Variants in PLB1 observed in about 807,000 individuals in gnomAD.
The protein encoded by PLB1 is phospholipase B1, membrane-associated.
Under a neutral mutation model 227.4 loss-of-function variants are expected in PLB1, and 242 were observed. The observed-to-expected ratio is 1.06, with a 90% CI of 0.96 to 1.18. PLB1 has a LOEUF of 1.18. PLB1 is among the 50% of genes most tolerant of loss of function. PLB1 has a pLI of 0.00. For missense variants in PLB1, 1,858 were observed against 1,816.3 expected, an observed-to-expected ratio of 1.02 and a Z score of -0.42; for synonymous variants, 757 against 682.2, an observed-to-expected ratio of 1.11 and a Z score of -1.71.
chr2:28,531,509 C>G (rs1176409996), intron 8 of PLB1, among the ~76,000 whole-genome samples: 1 of 152,180 alleles, frequency 6.6e-6, no homozygotes, highest in Admixed American at 6.5e-5. Flanking sequence ...TGGGGTTTCT[C>G]CATGTTGGTC....
At chr2:28,577,825 G>A in intron 21 of PLB1, among the ~76,000 whole-genome samples, 1 of 152,208 alleles carries the variant, frequency 6.6e-6, no homozygotes, top group Non-Finnish European at 1.5e-5. Context: ...GGGTGACAGA[G>A]AAAGACTCCA....
chr2:28,520,727 T>A (rs1305021858), intron 4 of PLB1, among the ~76,000 whole-genome samples: 1 of 151,984 alleles, frequency 6.6e-6, no homozygotes, highest in East Asian at 1.9e-4. Flanking sequence ...AATCCCAGCA[T>A]TTTGGGAGGC....
chr2:28,598,527 C>T, intron 34 of PLB1, 125 bp from the exon 35 acceptor site: 1 of 727,842 alleles, frequency 1.4e-6, no homozygotes, highest in Non-Finnish European at 2.4e-6. Context: ...GCCTCCCTGC[C>T]TCTCCCCAGG....
At position 28,569,976 on chromosome 2, in the gene PLB1, AAAAGAAAG is replaced by A. The variant is rs1441045443; in HGVS notation, c.1324+3141_1324+3148del. On this transcript the variant is annotated intron_variant, in intron 20 of 57. Transcript: ENST00000327757. ...GCGAGACTCCATCTCAAAAAAAAAAAAAAGAAAGAAAAAAGAAAATCTGAATAGATTTA... is the reference window on the plus strand; with the variant it reads ...GCGAGACTCCATCTCAAAAAAAAAAAAAAAAAGAAAATCTGAATAGATTTA... Among the ~76,000 whole-genome samples, 5 of 117,380 alleles carry A rather than the reference AAAAGAAAG, an allele frequency of 4.3e-5. 1 individual carries two copies. The highest frequency in any genetic ancestry group is 8.5e-5 in the Admixed American group (1 of 11,756). 77.0% of individuals were successfully genotyped at this position (117,380 alleles called of 152,430 possible). A position where few individuals can be genotyped will look rare whatever the true frequency, so the allele number is the denominator to read the frequency against.
intron 1 of PLB1, among the ~76,000 whole-genome samples, chr2:28,514,024 C>T (rs1438325932): frequency 6.6e-6 from 1 of 152,102 alleles, no homozygotes; most frequent in Non-Finnish European, 1.5e-5. Context: ...TGGGTTAGAT[C>T]TTCTGCTTAT....
At chr2:28,565,728 G>A (rs978782574) in intron 19 of PLB1, among the ~76,000 whole-genome samples, 1 of 152,178 alleles carries the variant, frequency 6.6e-6, no homozygotes, top group Non-Finnish European at 1.5e-5. Context: ...CCAGTTGGAT[G>A]TAACCTTGGG....
intron 35 of PLB1, among the ~76,000 whole-genome samples, chr2:28,599,589 C>T (rs60501996): frequency 0.048 from 7,307 of 152,250 alleles, 570 homozygotes; most frequent in African/African-American, 0.16. Flanking sequence ...GGAGCACAGA[C>T]GCCTGAAATC....
chr2:28,641,677 A>G (rs1029583169), intron 57 of PLB1, among the ~76,000 whole-genome samples: 2 of 152,122 alleles, frequency 1.3e-5, no homozygotes, highest in African/African-American at 2.4e-5. Context: ...GGAGGCAAAG[A>G]TAAAATAGAC....
At chr2:28,551,165 G>A (rs568919976) in intron 16 of PLB1, among the ~76,000 whole-genome samples, 7 of 152,326 alleles carry the variant, frequency 4.6e-5, no homozygotes, top group African/African-American at 1.7e-4. Flanking sequence ...CATCTGAAGA[G>A]AAAATTAAGA....
At chr2:28,541,684 C>T in intron 12 of PLB1, 23 bp from the exon 13 acceptor site, 1 of 1,586,442 alleles carries the variant, frequency 6.3e-7, no homozygotes, top group South Asian at 1.1e-5. Flanking sequence ...CCTGGATGGG[C>T]ACCTCTCTGC....
At chr2:28,629,264 T>A (rs1220265858) in intron 53 of PLB1, 79 bp downstream of exon 53, 15 of 1,360,872 alleles carry the variant, frequency 1.1e-5, no homozygotes, top group Middle Eastern at 2.0e-4. Flanking sequence ...AGGAGACCAG[T>A]TGAGGCAGAG....
Position 28,593,664 on chromosome 2 carries a change from C to T in PLB1, c.2248-17C>T. ...TGACTTGCTAATTTTCCTATGGACTCTGGTATATTTTCAAAGGCTGGCAAT... is the reference window on the plus strand; with the variant it reads ...TGACTTGCTAATTTTCCTATGGACTTTGGTATATTTTCAAAGGCTGGCAAT... On this transcript the variant is annotated splice_polypyrimidine_tract_variant and intron_variant, in intron 32 of 57. Coordinates refer to ENST00000327757, the MANE Select transcript of PLB1 (RefSeq NM_153021.5). 2 of 1,612,572 alleles carry T rather than the reference C, an allele frequency of 1.2e-6. No individual in the cohort carries two copies. The highest frequency in any genetic ancestry group is 1.1e-5 in the South Asian group (1 of 91,002).
At chr2:28,633,106 C>G in intron 56 of PLB1, 67 bp downstream of exon 56, 1 of 1,381,404 alleles carries the variant, frequency 7.2e-7, no homozygotes. Flanking sequence ...CTCTGTCTCA[C>G]AATGGCAAAA....
intron 38 of PLB1, 126 bp downstream of exon 38, chr2:28,602,090 C>A: frequency 1.1e-6 from 1 of 917,452 alleles, no homozygotes; most frequent in Non-Finnish European, 1.7e-6. Flanking sequence ...GGACTCCTTC[C>A]CTTTTCAGAG....
chr2:28,511,084 T>G (rs1668203685), intron 1 of PLB1, among the ~76,000 whole-genome samples: 1 of 152,240 alleles, frequency 6.6e-6, no homozygotes, highest in South Asian at 2.1e-4. Context: ...TAAAGTCTAA[T>G]ATAAATCAGT....
intron 1 of PLB1, among the ~76,000 whole-genome samples, chr2:28,504,153 A>G (rs1667393952): frequency 6.6e-6 from 1 of 152,180 alleles, no homozygotes; most frequent in South Asian, 2.1e-4. Context: ...CTGGAATGCC[A>G]GCACAACGTT....
At chr2:28,574,125 A>G (rs1424464303) in intron 21 of PLB1, among the ~76,000 whole-genome samples, 2 of 152,368 alleles carry the variant, frequency 1.3e-5, no homozygotes, top group South Asian at 2.1e-4. Flanking sequence ...GAGCAAGTGA[A>G]TGCCATACCT....
At chr2:28,508,982 G>A (rs1667933620) in intron 1 of PLB1, among the ~76,000 whole-genome samples, 1 of 152,148 alleles carries the variant, frequency 6.6e-6, no homozygotes, top group African/African-American at 2.4e-5. Context: ...CCCTGTGTAT[G>A]GCCCTCTCTC....
At chr2:28,593,633 G>A (rs987560664) in intron 32 of PLB1, 48 bp from the exon 33 acceptor site, 1 of 1,543,388 alleles carries the variant, frequency 6.5e-7, no homozygotes, top group African/African-American at 1.4e-5. Context: ...CAGCCTCCCT[G>A]TTCTCTGACT....
Sources: allele counts gnomAD v4.1 joint callset (sites outside exome capture counted in the v4.1 genomes callset), GRCh38; gene constraint gnomAD v4.1.1; transcripts MANE v1.5; gene names NCBI Gene and HGNC (gene_info 2026-07-23, HGNC 2026-07-21).